Variants in ELAVL4 observed in about 807,000 individuals in gnomAD.
ELAVL4 encodes ELAV-like protein 4.
A neutral mutation model predicts 35.6 loss-of-function variants in ELAVL4; 1 was observed. That is an observed-to-expected ratio of 0.03 (90% CI 0.01 to 0.13). The LOEUF (loss-of-function observed/expected upper bound fraction) is 0.13. Among genes scored for constraint, ELAVL4 ranks in the 10% least tolerant of loss-of-function variants. ELAVL4 has a pLI of 1.00. For synonymous variants in ELAVL4, 156 were observed against 171.0 expected (o/e 0.91, Z 0.69); for missense variants, 267 against 464.9 (o/e 0.57, Z 3.91).
At chr1:50,148,037 G>T (rs1174276034) in intron 2 of ELAVL4, among the ~76,000 whole-genome samples, 1 of 152,234 alleles carries the variant, frequency 6.6e-6, no homozygotes, top group Non-Finnish European at 1.5e-5. Flanking sequence ...TAAGTGTTAT[G>T]TGCTGGGGAC....
At chr1:50,178,790 T>C (rs1371293108) in intron 3 of ELAVL4, among the ~76,000 whole-genome samples, 3 of 152,200 alleles carry the variant, frequency 2.0e-5, no homozygotes, top group Admixed American at 2.0e-4. Flanking sequence ...GCTGTATTTG[T>C]AGGTTTGATT....
At chr1:50,106,229 G>C, upstream of ELAVL4, 1 of 1,352,846 alleles carries the variant, frequency 7.4e-7, no homozygotes. Flanking sequence ...TTGGCTTCTG[G>C]TACAGTCCAT....
At chr1:50,116,334 T>A (rs945142928) in intron 1 of ELAVL4, among the ~76,000 whole-genome samples, 1 of 151,972 alleles carries the variant, frequency 6.6e-6, no homozygotes, top group Non-Finnish European at 1.5e-5. Context: ...GCATGCCAAA[T>A]TGGAAGTTTG....
chr1:50,130,291 C>T (rs1483888621), intron 1 of ELAVL4, among the ~76,000 whole-genome samples: 1 of 152,120 alleles, frequency 6.6e-6, no homozygotes, highest in Non-Finnish European at 1.5e-5. Context: ...AGAAAGGGCA[C>T]AAATTTGGTT....
intron 1 of ELAVL4, among the ~76,000 whole-genome samples, chr1:50,062,310 C>A (rs564809793): frequency 6.6e-6 from 1 of 152,106 alleles, no homozygotes; most frequent in East Asian, 1.9e-4. Flanking sequence ...GAGGAGGGAC[C>A]TAATTTGTGT....
chr1:50,140,528 C>G (rs1285034611), intron 1 of ELAVL4, among the ~76,000 whole-genome samples: 1 of 152,140 alleles, frequency 6.6e-6, no homozygotes, highest in African/African-American at 2.4e-5. Flanking sequence ...CTCTTATTTT[C>G]CAGGTAATGT....
intron 1 of ELAVL4, among the ~76,000 whole-genome samples, chr1:50,076,480 T>C (rs1355394654): frequency 6.6e-6 from 1 of 152,240 alleles, no homozygotes; most frequent in Non-Finnish European, 1.5e-5. Context: ...TATGTATGTA[T>C]GTATACAAAA....
At chr1:50,109,795 G>A in intron 1 of ELAVL4, 2 of 906,794 alleles carry the variant, frequency 2.2e-6, no homozygotes, top group South Asian at 1.5e-5. Flanking sequence ...AGAGGAGGCG[G>A]CTTGTATGTG....
chr1:50,082,623 G>C (rs1665059258), intron 1 of ELAVL4, among the ~76,000 whole-genome samples: 1 of 152,096 alleles, frequency 6.6e-6, no homozygotes, highest in Admixed American at 6.5e-5. Context: ...TATTCTGTAA[G>C]TTGGACTAGG....
chr1:50,082,011 G>T (rs1446824232), intron 1 of ELAVL4, among the ~76,000 whole-genome samples: 4 of 151,382 alleles, frequency 2.6e-5, no homozygotes, highest in Non-Finnish European at 5.9e-5. Flanking sequence ...ACATGAACTC[G>T]TCCATTTTTA....
intron 3 of ELAVL4, among the ~76,000 whole-genome samples, chr1:50,181,657 G>A (rs892939400): frequency 2.7e-5 from 4 of 146,702 alleles, no homozygotes; most frequent in Non-Finnish European, 4.5e-5. Context: ...TTTGTTTTTG[G>A]TTTGTGTGTA....
chr1:50,176,487 T>C (rs1440309716), intron 2 of ELAVL4, among the ~76,000 whole-genome samples: 3 of 152,218 alleles, frequency 2.0e-5, no homozygotes, highest in Non-Finnish European at 2.9e-5. Flanking sequence ...ACACTGCTAC[T>C]GTGTCCAGCA....
intron 1 of ELAVL4, among the ~76,000 whole-genome samples, chr1:50,133,599 A>AAAAGAAAAAGAAAG (rs1553174457): frequency 2.3e-5 from 3 of 129,178 alleles, no homozygotes; most frequent in Non-Finnish European, 4.9e-5. Context: ...AGAAAGAAAG[A>AAAAGAAAAAGAAAG]AAAGAAAGAA....
chr1:50,140,898 T>C (rs1418880880), intron 1 of ELAVL4, among the ~76,000 whole-genome samples: 3 of 152,184 alleles, frequency 2.0e-5, no homozygotes, highest in African/African-American at 4.8e-5. Context: ...GTAGTGAGCA[T>C]TGTATCTCAT....
intron 1 of ELAVL4, among the ~76,000 whole-genome samples, chr1:50,071,638 T>C (rs934384767): frequency 1.3e-5 from 2 of 152,160 alleles, no homozygotes; most frequent in Admixed American, 1.3e-4. Flanking sequence ...ATGGAAAGAA[T>C]TGAATATGAG....
intron 1 of ELAVL4, among the ~76,000 whole-genome samples, chr1:50,062,412 G>C (rs1184086426): frequency 1.3e-5 from 2 of 151,992 alleles, no homozygotes; most frequent in African/African-American, 2.4e-5. Context: ...TGCCTGTTAT[G>C]TCTTTGGACC....
chr1:50,092,457 T>C (rs534968081), intron 1 of ELAVL4, among the ~76,000 whole-genome samples: 36 of 152,338 alleles, frequency 2.4e-4, no homozygotes, highest in South Asian at 1.0e-3. Context: ...CCTGGCAGCA[T>C]TGCTGAGCTA....
At chr1:50,125,673 G>A (rs916158915) in intron 1 of ELAVL4, among the ~76,000 whole-genome samples, 1 of 152,042 alleles carries the variant, frequency 6.6e-6, no homozygotes, top group African/African-American at 2.4e-5. Context: ...TCAGGAGGAG[G>A]ATTTGGCCAA....
chr1:50,068,766 G>A (rs1445346857), intron 1 of ELAVL4, among the ~76,000 whole-genome samples: 1 of 152,182 alleles, frequency 6.6e-6, no homozygotes, highest in African/African-American at 2.4e-5. Context: ...GATGGCTATG[G>A]ATTTAAATGG....
Sources: gnomAD v4.1 joint callset for allele counts (sites outside exome capture counted in the v4.1 genomes callset) on GRCh38, gnomAD v4.1.1 for gene constraint, MANE v1.5 for transcripts, NCBI Gene and HGNC (gene_info 2026-07-23, HGNC 2026-07-21) for gene names.